The following DAB1 variants were observed in gnomAD, a reference collection of about 807,000 sequenced individuals.
The protein encoded by DAB1 is disabled homolog 1.
A neutral mutation model predicts 64.6 loss-of-function variants in DAB1; 15 were observed. The observed-to-expected ratio is 0.23, with a 90% CI of 0.16 to 0.36. The LOEUF is 0.36. Among genes scored for constraint, DAB1 ranks in the 10% least tolerant of loss-of-function variants. DAB1 has a pLI of 1.00. For synonymous variants in DAB1, 235 were observed against 251.9 expected (o/e 0.93, Z 0.64); for missense variants, 596 against 706.7 (o/e 0.84, Z 1.78).
intron 1 of DAB1, among the ~76,000 whole-genome samples, chr1:57,863,928 G>C (rs899158568): frequency 6.6e-6 from 1 of 152,168 alleles, no homozygotes; most frequent in Admixed American, 6.5e-5. Flanking sequence ...ATTTATGCCA[G>C]AGACTATTCT....
At chr1:58,171,222 C>A (rs1656158261) in intron 4 of DAB1, among the ~76,000 whole-genome samples, 1 of 152,130 alleles carries the variant, frequency 6.6e-6, no homozygotes, top group African/African-American at 2.4e-5. Context: ...GAAGTCTGGG[C>A]ATTGGAAGGA....
At chr1:57,084,062 A>ATT (rs1388163056) in intron 4 of DAB1, among the ~76,000 whole-genome samples, 1 of 152,214 alleles carries the variant, frequency 6.6e-6, no homozygotes, top group Non-Finnish European at 1.5e-5. Flanking sequence ...TAAGTGTTGA[A>ATT]TTATGCCCCC....
At chr1:58,336,316 T>C (rs1229712534) in intron 4 of DAB1, among the ~76,000 whole-genome samples, 4 of 152,220 alleles carry the variant, frequency 2.6e-5, no homozygotes, top group Non-Finnish European at 5.9e-5. Context: ...GTTTTCTGGG[T>C]TCTGATCTCA....
intron 6 of DAB1, among the ~76,000 whole-genome samples, chr1:57,695,392 GAAAGA>G (rs1557427911): frequency 1.6e-3 from 131 of 79,726 alleles, no homozygotes; most frequent in East Asian, 4.7e-3. Flanking sequence ...AAGAAAGAAA[GAAAGA>G]AAGAAAGAAA....
chr1:58,161,870 C>T (rs139762692), intron 4 of DAB1, among the ~76,000 whole-genome samples: 6 of 152,194 alleles, frequency 3.9e-5, no homozygotes, highest in Non-Finnish European at 7.4e-5. Flanking sequence ...CCATTTAAGG[C>T]TTTTAAGCTA....
intron 5 of DAB1, among the ~76,000 whole-genome samples, chr1:57,949,123 T>C (rs1046309638): frequency 2.0e-5 from 3 of 152,028 alleles, no homozygotes; most frequent in Admixed American, 1.3e-4. Flanking sequence ...CCCAACCTTT[T>C]TGGCACCAGG....
At chr1:58,051,671 A>G (rs34975927) in intron 5 of DAB1, among the ~76,000 whole-genome samples, 33,792 of 152,148 alleles carry the variant, frequency 0.22, 3,897 homozygotes, top group Admixed American at 0.24. Flanking sequence ...TGAACAGTGT[A>G]AAAGCATTCC....
chr1:57,253,377 A>G lies in DAB1; in HGVS notation c.67+37587T>C, dbSNP rs557991972. ...CAGCTTTGCCAGACACAAAAGATAT[A>G]TTTTTATCTCTGTTTGGCTCCTGTG... On this transcript the variant is annotated intron_variant, in intron 2 of 14. Transcript: ENST00000371236. Among the ~76,000 whole-genome samples, 4 of 152,172 alleles carry G rather than the reference A, an allele frequency of 2.6e-5. No individual in the cohort carries two copies. The East Asian group carries it at 7.7e-4, about 29-fold the overall frequency.
chr1:57,020,594 TA>T, intron 11 of DAB1, among the ~76,000 whole-genome samples: 1 of 152,286 alleles, frequency 6.6e-6, no homozygotes, highest in Admixed American at 6.5e-5. Flanking sequence ...TTACAGGCAC[TA>T]ATTTCCAGGT....
intron 2 of DAB1, among the ~76,000 whole-genome samples, chr1:57,232,865 A>T (rs1173497314): frequency 6.6e-6 from 1 of 152,180 alleles, no homozygotes; most frequent in Non-Finnish European, 1.5e-5. Context: ...CTTTGGAAAG[A>T]CAGCAAGTGC....
chr1:57,571,856 G>A (rs111917880), intron 7 of DAB1, among the ~76,000 whole-genome samples: 3 of 152,182 alleles, frequency 2.0e-5, no homozygotes, highest in Non-Finnish European at 2.9e-5. Context: ...GTGGGGAAAG[G>A]CTCCTTCACT....
intron 3 of DAB1, among the ~76,000 whole-genome samples, chr1:58,493,001 A>G (rs1276357427): frequency 2.0e-5 from 3 of 152,148 alleles, no homozygotes; most frequent in African/African-American, 4.8e-5. Flanking sequence ...GATGAACATC[A>G]ATGCAAAAAT....
intron 4 of DAB1, among the ~76,000 whole-genome samples, chr1:58,199,247 T>A (rs1657867461): frequency 6.6e-6 from 1 of 152,202 alleles, no homozygotes; most frequent in East Asian, 1.9e-4. Context: ...TCTTGTAAGG[T>A]CCTGGCTGGC....
intron 5 of DAB1, among the ~76,000 whole-genome samples, chr1:58,134,903 T>A (rs1314865828): frequency 6.6e-6 from 1 of 151,976 alleles, no homozygotes; most frequent in South Asian, 2.1e-4. Context: ...GTAGACAGGA[T>A]GAAAAATGAC....
chr1:57,881,710 AATAG>A (rs1389328897), intron 1 of DAB1, among the ~76,000 whole-genome samples: 5 of 152,166 alleles, frequency 3.3e-5, no homozygotes, highest in African/African-American at 1.2e-4. Context: ...CATTCGTATA[AATAG>A]ATGTGTGGGG....
chr1:57,299,808 A>G (rs868392733), intron 1 of DAB1, among the ~76,000 whole-genome samples: 8 of 152,332 alleles, frequency 5.3e-5, no homozygotes, highest in Non-Finnish European at 7.3e-5. Flanking sequence ...CTGCCTAGGT[A>G]AATTTAGACC....
intron 1 of DAB1, among the ~76,000 whole-genome samples, chr1:57,318,728 T>C (rs1675429297): frequency 1.2e-5 from 1 of 86,718 alleles, no homozygotes; most frequent in East Asian, 4.7e-4. Context: ...ACCCGGTAAT[T>C]TGCAAAAAAA....
chr1:58,145,604 C>G (rs1654546588), intron 5 of DAB1, among the ~76,000 whole-genome samples: 1 of 152,174 alleles, frequency 6.6e-6, no homozygotes, highest in South Asian at 2.1e-4. Context: ...CCAAATTCCT[C>G]ATTTTACAGA....
At position 57,421,972 on chromosome 1, in the gene DAB1, C is replaced by A. The variant is rs1684945246; in HGVS notation, c.-137+1958G>T. On this transcript the variant is annotated intron_variant, in intron 1 of 14. Transcript: ENST00000371236. ...TCCGAACCCCCATCTATCTTAGTGC[C>A]TGCGCAGTTCCGGTGCCATCCAGAA... 2.0e-5 allele frequency among the ~76,000 whole-genome samples: 3 copies of A among 149,780 alleles called. No homozygotes were observed. In the South Asian group the frequency reaches 6.4e-4, roughly 32 times the overall value.
Sources: allele counts gnomAD v4.1 joint callset (sites outside exome capture counted in the v4.1 genomes callset), GRCh38; gene constraint gnomAD v4.1.1; transcripts MANE v1.5; gene names NCBI Gene and HGNC (gene_info 2026-07-23, HGNC 2026-07-21).